Variants in COL4A4 observed in about 807,000 individuals in gnomAD.
The protein encoded by COL4A4 is collagen type IV alpha 4 chain, also known as collagen alpha-4(IV) chain.
Under a neutral mutation model 192.9 loss-of-function variants are expected in COL4A4, and 105 were observed. That is an observed-to-expected ratio of 0.54 (90% CI 0.46 to 0.64). COL4A4 has a LOEUF of 0.64. COL4A4 is among the 30% of genes least tolerant of loss of function. COL4A4 has a pLI of 0.00. For synonymous variants in COL4A4, 762 were observed against 769.9 expected (o/e 0.99, Z 0.17); for missense variants, 1,967 against 2,169.3 (o/e 0.91, Z 1.85).
intron 37 of COL4A4, among the ~76,000 whole-genome samples, chr2:227,041,703 AGAAGGAAGGAAGG>A (rs1970889958): frequency 7.5e-6 from 1 of 134,146 alleles, no homozygotes; most frequent in African/African-American, 3.2e-5. Context: ...AGAGAGAGAG[AGAAGGAAGGAAGG>A]GAGGAGGAAG....
At chr2:226,980,137 G>A in the COL4A4 span, among the ~76,000 whole-genome samples, 4 of 152,226 alleles carry the variant, frequency 2.6e-5, no homozygotes, top group South Asian at 6.2e-4. Flanking sequence ...TTTGACCCAG[G>A]TGCTCATATC....
At chr2:227,084,340 A>G (rs1419495203) in intron 22 of COL4A4, among the ~76,000 whole-genome samples, 1 of 152,190 alleles carries the variant, frequency 6.6e-6, no homozygotes. Flanking sequence ...AAGAGAAAAA[A>G]GTGGAATGCT....
At chr2:227,098,935 A>C in intron 18 of COL4A4, 137 bp from the exon 19 acceptor site, 1 of 700,910 alleles carries the variant, frequency 1.4e-6, no homozygotes, top group East Asian at 2.8e-5. Context: ...TTTAAAACGA[A>C]ATATCTTAAA....
At chr2:227,083,435 G>A (rs779949919) in intron 22 of COL4A4, among the ~76,000 whole-genome samples, 7 of 152,112 alleles carry the variant, frequency 4.6e-5, no homozygotes, top group South Asian at 2.1e-4. Flanking sequence ...CTACCTTGTC[G>A]TATTTTCTTT....
chr2:227,057,682 T>A, intron 28 of COL4A4, 82 bp from the exon 29 acceptor site: 1 of 1,389,528 alleles, frequency 7.2e-7, no homozygotes, highest in Non-Finnish European at 1.0e-6. Flanking sequence ...CGCATATCAA[T>A]ACTGGAGGTG....
At chr2:227,047,711 T>C (rs1973174306) in intron 34 of COL4A4, among the ~76,000 whole-genome samples, 162 bp from the exon 35 acceptor site, 1 of 145,862 alleles carries the variant, frequency 6.9e-6, no homozygotes, top group Non-Finnish European at 1.5e-5. Context: ...GAAATATAGA[T>C]GCAAGATGCA....
chr2:227,104,200 G>T, intron 12 of COL4A4, 148 bp from the exon 13 acceptor site: 1 of 709,634 alleles, frequency 1.4e-6, no homozygotes, highest in Admixed American at 2.1e-5. Context: ...AATATAAAAG[G>T]ATATTTATTT....
chr2:227,045,789 T>TATATATACAC (rs1972377791), intron 35 of COL4A4, among the ~76,000 whole-genome samples: 2 of 85,746 alleles, frequency 2.3e-5, no homozygotes, highest in South Asian at 3.7e-4. Flanking sequence ...AATACATATA[T>TATATATACAC]ATATATATAC....
intron 1 of COL4A4, among the ~76,000 whole-genome samples, chr2:227,152,392 C>T (rs969494205): frequency 2.6e-5 from 4 of 152,210 alleles, no homozygotes; most frequent in African/African-American, 9.7e-5. Flanking sequence ...TGCATAACTC[C>T]TGAGAATCTT....
At chr2:227,063,416 G>T (rs546954115) in intron 25 of COL4A4, among the ~76,000 whole-genome samples, 95 of 152,178 alleles carry the variant, frequency 6.2e-4, no homozygotes, top group African/African-American at 2.2e-3. Context: ...AATGACATCA[G>T]ATTTTGTTGG....
intron 31 of COL4A4, among the ~76,000 whole-genome samples, chr2:227,052,733 G>A (rs1004946125): frequency 5.9e-5 from 9 of 152,036 alleles, no homozygotes; most frequent in African/African-American, 1.7e-4. Flanking sequence ...AAAAAATGTC[G>A]CTTTGTTCTA....
At chr2:227,021,446 C>A (rs968503871) in intron 44 of COL4A4, among the ~76,000 whole-genome samples, 8 of 152,166 alleles carry the variant, frequency 5.3e-5, no homozygotes, top group Non-Finnish European at 8.8e-5. Flanking sequence ...CATGGAGCAT[C>A]TACCATGTTG....
chr2:227,032,355 C>T, intron 38 of COL4A4, 79 bp from the exon 39 acceptor site: 1 of 1,520,160 alleles, frequency 6.6e-7, no homozygotes, highest in Non-Finnish European at 8.9e-7. Flanking sequence ...GAACCACTTC[C>T]CAATAGCGGC....
At chr2:227,002,616 T>A (rs1961265627), downstream of COL4A4, 1 of 152,512 alleles carries the variant, frequency 6.6e-6, no homozygotes, top group African/African-American at 2.4e-5. Flanking sequence ...CAGTTCACAC[T>A]TCCACAAGTG....
chr2:227,007,493 C>G lies in COL4A4; in HGVS notation c.4905G>C (p.Gln1635His). 6.2e-7 allele frequency: 1 copy of G among 1,614,184 alleles called. No individual in the cohort carries two copies. The highest frequency in any genetic ancestry group is 8.5e-7 in the Non-Finnish European group (1 of 1,180,034). The change falls in exon 48 of 48, where the codon CAG (glutamine) becomes CAC (histidine). Residue 1635 changes from glutamine to histidine, a missense_variant. By Grantham distance (24) the Gln-to-His change is conservative. Coordinates refer to ENST00000396625, the MANE Select transcript of COL4A4 (RefSeq NM_000092.5). ...DFRAAPFLECQGRQGTCHFFA... is the reference protein window; with the variant it reads ...DFRAAPFLECHGRQGTCHFFA... ...AAAAGTGGCAAGTTCCCTGCCGGCC[C>G]TGGCATTCAAGGAATGGTGCTGCTC...
At chr2:227,148,197 G>A (rs1159989794) in intron 1 of COL4A4, among the ~76,000 whole-genome samples, 1 of 152,138 alleles carries the variant, frequency 6.6e-6, no homozygotes, top group South Asian at 2.1e-4. Flanking sequence ...ACATAAACTT[G>A]CACATGAATA....
At chr2:227,136,746 T>A (rs1293592306) in intron 4 of COL4A4, among the ~76,000 whole-genome samples, 1 of 151,418 alleles carries the variant, frequency 6.6e-6, no homozygotes, top group African/African-American at 2.5e-5. Context: ...ATGAAACTAC[T>A]ACCTACTACT....
intron 25 of COL4A4, among the ~76,000 whole-genome samples, chr2:227,076,136 T>A (rs113900734): frequency 7.9e-5 from 12 of 151,838 alleles, no homozygotes; most frequent in African/African-American, 2.7e-4. Flanking sequence ...GAAAAAAAAA[T>A]TACTTTAAAT....
chr2:227,065,701 C>T (rs2150342618), intron 25 of COL4A4, among the ~76,000 whole-genome samples: 1 of 151,240 alleles, frequency 6.6e-6, no homozygotes, highest in African/African-American at 2.4e-5. Context: ...ACAGAAAGGA[C>T]ATCTACACCA....
Sources: allele counts gnomAD v4.1 joint callset (sites outside exome capture counted in the v4.1 genomes callset), GRCh38; gene constraint gnomAD v4.1.1; transcripts MANE v1.5; gene names NCBI Gene and HGNC (gene_info 2026-07-23, HGNC 2026-07-21).